Variants in PDE4D observed in about 807,000 individuals in gnomAD.
The protein encoded by PDE4D is phosphodiesterase 4D.
A neutral mutation model predicts 87.4 loss-of-function variants in PDE4D; 24 were observed. That is an observed-to-expected ratio of 0.27 (90% CI 0.20 to 0.39). The LOEUF is 0.39. Ranked by LOEUF, PDE4D falls within the 10% of genes least tolerant of loss-of-function variation. The pLI, the probability that PDE4D is intolerant of heterozygous loss-of-function variation, is 1.00. For missense variants in PDE4D, 714 were observed against 1,041.0 expected, an observed-to-expected ratio of 0.69 and a Z score of 4.32; for synonymous variants, 384 against 383.2, an observed-to-expected ratio of 1.00 and a Z score of -0.02.
rs568803758 is a variant in PDE4D at position 59,835,166 on chromosome 5, T to C, written c.455+58002A>G. Among the ~76,000 whole-genome samples the C allele has an allele frequency of 9.2e-5, 14 of 152,210 alleles. No individual in the cohort carries two copies. The East Asian group carries it at 2.7e-3, about 29-fold the overall frequency. On this transcript the variant is annotated intron_variant, in intron 1 of 14. Transcript: ENST00000340635. ...TTTGTTATTTGCTGGATACATATTC[T>C]TGAGAAATTACTCAATCTTTCTGAT...
intron 1 of PDE4D, among the ~76,000 whole-genome samples, chr5:59,658,507 G>C (rs571216785): frequency 1.3e-5 from 2 of 152,174 alleles, no homozygotes; most frequent in African/African-American, 2.4e-5. Context: ...TCAGCCTCTG[G>C]AGTAGCTGGG....
chr5:60,150,487 A>C (rs1781411060), intron 2 of PDE4D, among the ~76,000 whole-genome samples: 1 of 152,136 alleles, frequency 6.6e-6, no homozygotes, highest in Non-Finnish European at 1.5e-5. Flanking sequence ...CAGAGCTGCT[A>C]TGCAACAAGA....
intron 1 of PDE4D, among the ~76,000 whole-genome samples, chr5:59,460,489 T>C (rs542641964): frequency 2.6e-5 from 4 of 152,200 alleles, no homozygotes; most frequent in Non-Finnish European, 5.9e-5. Context: ...TCAAGGCTAC[T>C]CAGGAACAAT....
chr5:59,854,313 A>G (rs1392205598), intron 1 of PDE4D, among the ~76,000 whole-genome samples: 5 of 151,986 alleles, frequency 3.3e-5, no homozygotes, highest in East Asian at 3.9e-4. Context: ...TTAATGTCTT[A>G]TATCTATTGA....
At chr5:60,157,797 A>T (rs1782112452) in intron 2 of PDE4D, among the ~76,000 whole-genome samples, 2 of 152,188 alleles carry the variant, frequency 1.3e-5, no homozygotes, top group African/African-American at 4.8e-5. Flanking sequence ...AGCTTTTCCC[A>T]ATAAATAATA....
intron 1 of PDE4D, among the ~76,000 whole-genome samples, chr5:59,508,510 T>C (rs1313900833): frequency 6.6e-6 from 1 of 151,702 alleles, no homozygotes; most frequent in African/African-American, 2.4e-5. Context: ...TTTCCAGAGA[T>C]AAAATACTAA....
At chr5:59,769,562 A>G (rs1015672056) in intron 1 of PDE4D, among the ~76,000 whole-genome samples, 11 of 152,230 alleles carry the variant, frequency 7.2e-5, no homozygotes, top group African/African-American at 2.7e-4. Context: ...TTATTCAGAG[A>G]GCTTAAAAGA....
At chr5:60,017,043 G>C (rs1419461455) in intron 2 of PDE4D, among the ~76,000 whole-genome samples, 1 of 152,216 alleles carries the variant, frequency 6.6e-6, no homozygotes, top group Admixed American at 6.5e-5. Context: ...ATTGATTGCA[G>C]AATGAATGTT....
chr5:59,821,350 G>A (rs566231424), intron 1 of PDE4D, among the ~76,000 whole-genome samples: 2 of 152,310 alleles, frequency 1.3e-5, no homozygotes, highest in African/African-American at 2.4e-5. Context: ...TACTCGCTAA[G>A]TTAGTGATGC....
At chr5:60,186,441 C>T (rs993627804) in intron 1 of PDE4D, among the ~76,000 whole-genome samples, 6 of 152,078 alleles carry the variant, frequency 3.9e-5, no homozygotes, top group Non-Finnish European at 4.4e-5. Flanking sequence ...AAGAACAAAT[C>T]GAATAGCTAT....
intron 1 of PDE4D, among the ~76,000 whole-genome samples, chr5:60,469,207 C>T (rs1747628387): frequency 6.6e-6 from 1 of 152,150 alleles, no homozygotes; most frequent in Admixed American, 6.5e-5. Flanking sequence ...GGTCTCTGCT[C>T]TGAATTTGTC....
At chr5:59,894,339 T>C (rs1299134784), upstream of PDE4D, among the ~76,000 whole-genome samples, 2 of 152,172 alleles carry the variant, frequency 1.3e-5, no homozygotes, top group African/African-American at 2.4e-5. Flanking sequence ...CTTCCAAAGA[T>C]AAGGAATGTG....
At chr5:60,057,956 G>A (rs540371743) in intron 2 of PDE4D, among the ~76,000 whole-genome samples, 1 of 152,082 alleles carries the variant, frequency 6.6e-6, no homozygotes, top group African/African-American at 2.4e-5. Context: ...GGGAAAGTAT[G>A]ACTATTATTC....
At chr5:60,459,758 A>C (rs1746778498) in intron 1 of PDE4D, 1 of 446,420 alleles carries the variant, frequency 2.2e-6, no homozygotes, top group East Asian at 4.3e-5. Context: ...AGGGCAACAG[A>C]GCACAAGAGG....
At chr5:59,864,580 A>C (rs977841606) in intron 1 of PDE4D, among the ~76,000 whole-genome samples, 2 of 152,250 alleles carry the variant, frequency 1.3e-5, no homozygotes, top group African/African-American at 2.4e-5. Context: ...TATGCTTAGC[A>C]AAGAGCTGGG....
In PDE4D at chr5:60,106,014, C is replaced by T. The variant is rs549610387; in HGVS notation, c.42+79543G>A. Among the ~76,000 whole-genome samples, 104 of 152,270 alleles carry T rather than the reference C, an allele frequency of 6.8e-4. 1 individual carries two copies. The South Asian group carries it at 0.02, about 30-fold the overall frequency. The stretch of plus-strand genomic sequence containing the variant: ...TCAACTTCACACATAACAATATTAA[C>T]TTTAAATGTAAATAGAGTAAATGCT... On this transcript the variant is annotated intron_variant, in intron 2 of 16. Coordinates refer to the PDE4D transcript ENST00000502484.
At chr5:59,153,235 G>A (rs191998342) in intron 5 of PDE4D, among the ~76,000 whole-genome samples, 12 of 152,020 alleles carry the variant, frequency 7.9e-5, no homozygotes, top group East Asian at 5.8e-4. Context: ...CAGTAGCAGC[G>A]GGTGAAAGGC....
At chr5:59,087,369 C>G (rs1767899954) in intron 5 of PDE4D, among the ~76,000 whole-genome samples, 1 of 151,910 alleles carries the variant, frequency 6.6e-6, no homozygotes, top group Admixed American at 6.6e-5. Flanking sequence ...GCTTATAGTC[C>G]CAGCTACTTG....
At position 59,124,769 on chromosome 5, in the gene PDE4D, T is replaced by A. The variant is rs141579043; in HGVS notation, c.808+55826A>T. 2.6e-5 allele frequency among the ~76,000 whole-genome samples: 4 copies of A among 152,288 alleles called. No individual in the cohort carries two copies. In the East Asian group the frequency reaches 7.7e-4, roughly 29 times the overall value. On this transcript the variant is annotated intron_variant, in intron 5 of 14. Coordinates refer to ENST00000340635, the MANE Select transcript of PDE4D (RefSeq NM_001104631.2). ...ATGAAAATGTGAACAGGTTGACTAT[T>A]TCCTAAATTTATGGCAGAGGTTGTT...
Sources: allele counts gnomAD v4.1 joint callset (sites outside exome capture counted in the v4.1 genomes callset), GRCh38; gene constraint gnomAD v4.1.1; transcripts MANE v1.5; gene names NCBI Gene and HGNC (gene_info 2026-07-23, HGNC 2026-07-21).